The following PTK2 variants were observed in gnomAD, a reference collection of about 807,000 sequenced individuals.
PTK2 encodes protein tyrosine kinase 2.
A neutral mutation model predicts 150.1 loss-of-function variants in PTK2; 45 were observed. The ratio of observed to expected loss-of-function variants is 0.30; its 90% CI spans 0.24 to 0.38. The LOEUF is 0.38. PTK2 is among the 10% of genes least tolerant of loss of function. PTK2 has a pLI of 1.00. For missense variants in PTK2, 919 were observed against 1,307.3 expected (o/e 0.70, Z 4.58); for synonymous variants, 432 against 449.2 (o/e 0.96, Z 0.48).
intron 5 of PTK2, among the ~76,000 whole-genome samples, chr8:140,855,314 C>T (rs895566833): frequency 2.0e-5 from 3 of 151,878 alleles, no homozygotes; most frequent in Non-Finnish European, 1.5e-5. Flanking sequence ...AGGGGGGGGT[C>T]GCCACGTGTG....
intron 14 of PTK2, 123 bp from the exon 16 acceptor site, chr8:140,769,715 A>C: frequency 2.0e-6 from 1 of 498,700 alleles, no homozygotes. Flanking sequence ...AAAGTGTAAG[A>C]AAAATAAAAA....
intron 8 of PTK2, among the ~76,000 whole-genome samples, chr8:140,830,023 C>T (rs1354366541): frequency 6.6e-6 from 1 of 152,092 alleles, no homozygotes; most frequent in Non-Finnish European, 1.5e-5. Flanking sequence ...TGCGGGGAAG[C>T]ATCCAAAGGG....
chr8:140,700,552 C>T (rs928534556), intron 26 of PTK2, among the ~76,000 whole-genome samples: 8 of 151,070 alleles, frequency 5.3e-5, no homozygotes, highest in Admixed American at 6.6e-5. Flanking sequence ...GGCATGATCT[C>T]GGCTCACTGC....
intron 1 of PTK2, chr8:140,940,439 A>G (rs2100175278): frequency 6.6e-6 from 1 of 151,772 alleles, no homozygotes; most frequent in African/African-American, 2.4e-5. Flanking sequence ...ACAAAGCGAG[A>G]CTCTGTCTCA....
intron 4 of PTK2, chr8:140,879,214 A>T (rs80005978): frequency 6.0e-5 from 20 of 331,198 alleles, no homozygotes; most frequent in African/African-American, 4.3e-4. Context: ...AGTAGCACTG[A>T]TGAGAAATTA....
intron 5 of PTK2, among the ~76,000 whole-genome samples, chr8:140,859,092 A>G (rs1397627424): frequency 1.3e-5 from 2 of 152,208 alleles, no homozygotes; most frequent in Non-Finnish European, 2.9e-5. Flanking sequence ...GAAACAAAAC[A>G]AAACAGAAAA....
intron 7 of PTK2, among the ~76,000 whole-genome samples, chr8:140,831,528 A>G (rs1480962692): frequency 2.0e-5 from 3 of 152,234 alleles, no homozygotes; most frequent in Admixed American, 2.0e-4. Context: ...GGTTGATACT[A>G]TATTCAAACA....
At chr8:140,987,013 A>T (rs2100193505) in intron 1 of PTK2, among the ~76,000 whole-genome samples, 1 of 152,178 alleles carries the variant, frequency 6.6e-6, no homozygotes. Flanking sequence ...CAAACTCATA[A>T]ATGGGACATC....
exon 7 of PTK2, chr8:140,846,312 A>C (rs754644712): frequency 1.2e-6 from 2 of 1,612,554 alleles, no homozygotes; most frequent in Admixed American, 1.7e-5. Context: ...CGCATCTCCC[A>C]GTATGATCGC....
chr8:140,765,214 T>C (rs1236906335), intron 14 of PTK2: 1 of 152,216 alleles, frequency 6.6e-6, no homozygotes, highest in Middle Eastern at 3.2e-3. Context: ...TGATGCATCA[T>C]TTCCAAGGAG....
At chr8:140,872,792 C>T (rs765050433) in intron 4 of PTK2, among the ~76,000 whole-genome samples, 3 of 152,194 alleles carry the variant, frequency 2.0e-5, no homozygotes, top group Non-Finnish European at 4.4e-5. Flanking sequence ...GGTTTTTTCA[C>T]TTTTTACTTT....
At chr8:141,000,421 G>A (rs912224432) in intron 1 of PTK2, among the ~76,000 whole-genome samples, 5 of 152,296 alleles carry the variant, frequency 3.3e-5, no homozygotes, top group African/African-American at 1.2e-4. Flanking sequence ...GCGAGGCCGC[G>A]CCCGGGGGAC....
Position 140,887,511 on chromosome 8 carries a change from C to G in PTK2, c.195+3032G>C, listed in dbSNP as rs1203661134. On this transcript the variant is annotated intron_variant, in intron 3 of 31. Coordinates refer to ENST00000522684, the Ensembl canonical transcript of PTK2. ...TATTAACTGAAGCATGATAAAGGCTCTATAATGAAATGTTACAAAAATCCA... is the reference window on the plus strand; with the variant it reads ...TATTAACTGAAGCATGATAAAGGCTGTATAATGAAATGTTACAAAAATCCA... Among the ~76,000 whole-genome samples, 5 of 152,116 alleles carry G rather than the reference C, an allele frequency of 3.3e-5. No individual in the cohort carries two copies. In the East Asian group the frequency reaches 9.6e-4, roughly 29 times the overall value.
chr8:140,946,709 G>T (rs2100177825), intron 1 of PTK2, among the ~76,000 whole-genome samples: 1 of 151,884 alleles, frequency 6.6e-6, no homozygotes, highest in African/African-American at 2.4e-5. Flanking sequence ...TCATACTATG[G>T]CATTACTTTT....
intron 14 of PTK2, among the ~76,000 whole-genome samples, chr8:140,782,525 A>AC (rs1323772957): frequency 6.6e-6 from 1 of 152,198 alleles, no homozygotes; most frequent in Admixed American, 6.5e-5. Context: ...GGCGTGAGGC[A>AC]CTGTGCCTGG....
intron 14 of PTK2, among the ~76,000 whole-genome samples, chr8:140,768,781 C>T (rs2100073878): frequency 6.6e-6 from 1 of 152,172 alleles, no homozygotes; most frequent in Non-Finnish European, 1.5e-5. Context: ...AAGCTCAAAT[C>T]TCTGACCTCA....
intron 2 of PTK2, among the ~76,000 whole-genome samples, chr8:140,898,970 A>C (rs1256072566): frequency 6.6e-6 from 1 of 152,226 alleles, no homozygotes; most frequent in Non-Finnish European, 1.5e-5. Flanking sequence ...AATCTGGGTA[A>C]TATTTCTAGT....
chr8:140,757,713 A>G (rs2100066688), intron 16 of PTK2, among the ~76,000 whole-genome samples: 1 of 152,222 alleles, frequency 6.6e-6, no homozygotes, highest in African/African-American at 2.4e-5. Flanking sequence ...TATTAGAGCC[A>G]TCTCTGTTCA....
At chr8:140,844,199 T>C (rs2100123962) in intron 7 of PTK2, among the ~76,000 whole-genome samples, 2 of 152,220 alleles carry the variant, frequency 1.3e-5, no homozygotes, top group African/African-American at 2.4e-5. Flanking sequence ...TCAACATGAC[T>C]GATCACTGGT....
Sources: gnomAD v4.1 joint callset for allele counts (sites outside exome capture counted in the v4.1 genomes callset) on GRCh38, gnomAD v4.1.1 for gene constraint, MANE v1.5 for transcripts, NCBI Gene and HGNC (gene_info 2026-07-23, HGNC 2026-07-21) for gene names.